The following NEK10 variants were observed in gnomAD, a reference collection of about 807,000 sequenced individuals.
NEK10 encodes serine/threonine-protein kinase Nek10.
In NEK10, 122 loss-of-function variants were observed where a neutral mutation model predicts 159.8. The ratio of observed to expected loss-of-function variants is 0.76; its 90% CI spans 0.66 to 0.89. The LOEUF is 0.89. NEK10 is among the 40% of genes least tolerant of loss of function. NEK10 has a pLI of 0.00. For missense variants in NEK10, 1,342 were observed against 1,323.1 expected, an observed-to-expected ratio of 1.01 and a Z score of -0.22; for synonymous variants, 466 against 457.1, an observed-to-expected ratio of 1.02 and a Z score of -0.25.
intron 23 of NEK10, among the ~76,000 whole-genome samples, chr3:27,248,718 T>A (rs1955350697): frequency 6.6e-6 from 1 of 152,264 alleles, no homozygotes; most frequent in Admixed American, 6.5e-5. Flanking sequence ...TCAGAGAAGA[T>A]GTTTGATATT....
At chr3:27,326,594 G>GTT (rs5847457) in intron 5 of NEK10, among the ~76,000 whole-genome samples, 1 of 151,868 alleles carries the variant, frequency 6.6e-6, no homozygotes, top group African/African-American at 2.4e-5. Context: ...TTCCAGAATA[G>GTT]TTTTTTTTAA....
intron 18 of NEK10, among the ~76,000 whole-genome samples, chr3:27,291,001 T>C (rs1046187405): frequency 1.2e-4 from 18 of 152,232 alleles, no homozygotes; most frequent in African/African-American, 4.3e-4. Context: ...GCATCATGCA[T>C]TGGGAGAAAC....
In NEK10 at chr3:27,110,619, G is replaced by T. The variant is rs1277066811; in HGVS notation, c.*653C>A. The T allele has an allele frequency of 6.6e-6, 1 of 151,946 alleles. No homozygotes were observed. The highest frequency in any genetic ancestry group is 1.5e-5 in the Non-Finnish European group (1 of 68,024). 9.4% of individuals were successfully genotyped at this position (151,946 alleles called of 1,614,324 possible). ...TAGTCTAAGTTAAATCTGACAGTTT[G>T]ACAGTTACCCCCAGAGGCTGTGCAA... On this transcript the variant is annotated 3_prime_UTR_variant, in exon 36 of 36. Transcript: ENST00000691995.
chr3:27,277,836 T>C (rs1477103362), intron 22 of NEK10, among the ~76,000 whole-genome samples: 1 of 152,242 alleles, frequency 6.6e-6, no homozygotes, highest in Non-Finnish European at 1.5e-5. Flanking sequence ...TGTGTTACTT[T>C]GGGACAGAAG....
At chr3:27,278,484 G>A (rs1160408539) in intron 22 of NEK10, among the ~76,000 whole-genome samples, 1 of 152,178 alleles carries the variant, frequency 6.6e-6, no homozygotes, top group Non-Finnish European at 1.5e-5. Context: ...CATTTGAAGA[G>A]CCTTGGAGCC....
At chr3:27,363,776 T>C (rs1478649662) in intron 1 of NEK10, 2 of 152,222 alleles carry the variant, frequency 1.3e-5, no homozygotes, top group Admixed American at 6.5e-5. Flanking sequence ...ATGTGTATTA[T>C]ATGAATGCCA....
chr3:27,292,778 A>G (rs2043092870), intron 16 of NEK10, among the ~76,000 whole-genome samples: 1 of 151,924 alleles, frequency 6.6e-6, no homozygotes, highest in Non-Finnish European at 1.5e-5. Flanking sequence ...AAAAAAAAAA[A>G]AAAAAAAGAG....
intron 22 of NEK10, among the ~76,000 whole-genome samples, chr3:27,266,400 A>T (rs1292593284): frequency 6.6e-6 from 1 of 151,822 alleles, no homozygotes; most frequent in Non-Finnish European, 1.5e-5. Flanking sequence ...TTTTATGGGG[A>T]TTTGCAACTG....
At chr3:27,126,730 C>T (rs1490372527) in intron 32 of NEK10, among the ~76,000 whole-genome samples, 1 of 151,870 alleles carries the variant, frequency 6.6e-6, no homozygotes, top group Non-Finnish European at 1.5e-5. Flanking sequence ...GATTCTCACC[C>T]TTGGCTGCAA....
Position 27,291,276 on chromosome 3 carries a change from C to T in NEK10, c.1591G>A (p.Gly531Ser). The T allele has an allele frequency of 5.6e-6, 9 of 1,613,110 alleles. No individual in the cohort carries two copies. Among genetic ancestry groups the T allele is most frequent in the Non-Finnish European group, 7.6e-6 (9 of 1,179,640 alleles). ...ILDHLGSGAF[G>S]CVYKVRKHSG... is the part of the protein sequence containing the mutation. The stretch of plus-strand genomic sequence containing the variant: ...GGGAAAGTCACCTTGTAAACACAGC[C>T]AAAAGCTCCACTTCCAAGATGATCC... Residue 531 changes from glycine to serine, a missense_variant, in exon 18 of 36, where the codon GGC (glycine) becomes AGC (serine). By Grantham distance (56) the Gly-to-Ser change is moderately conservative. Transcript: ENST00000691995.
In NEK10 at chr3:27,181,279, A is replaced by G. The variant is rs138319037; in HGVS notation, c.2506-6446T>C. Reference sequence around the variant, plus strand: ...ACAATTAATACATACTTGATATGTCATATGGTAAATATAGTTTATCTTCCT... The same window carrying G: ...ACAATTAATACATACTTGATATGTCGTATGGTAAATATAGTTTATCTTCCT... On this transcript the variant is annotated intron_variant, in intron 26 of 35. Transcript: ENST00000691995. Among the ~76,000 whole-genome samples, 665 of 152,234 alleles carry G rather than the reference A, an allele frequency of 4.4e-3. 7 individuals are homozygous for G. Among genetic ancestry groups the G allele is most frequent in the African/African-American group, 0.015 (637 of 41,562 alleles).
chr3:27,167,166 TA>T (rs1272754017), intron 29 of NEK10, among the ~76,000 whole-genome samples: 3,112 of 143,778 alleles, frequency 0.022, 54 homozygotes, highest in African/African-American at 0.055. Flanking sequence ...CAGGATCCTT[TA>T]AAAAAAAAAA....
chr3:27,179,020 G>A (rs3112790), intron 26 of NEK10, among the ~76,000 whole-genome samples: 8 of 152,114 alleles, frequency 5.3e-5, no homozygotes, highest in African/African-American at 9.7e-5. Flanking sequence ...ATCCTGCCTC[G>A]GTCTTCTGAG....
At chr3:27,349,469 T>A (rs923294528) in intron 3 of NEK10, among the ~76,000 whole-genome samples, 1 of 152,164 alleles carries the variant, frequency 6.6e-6, no homozygotes, top group Admixed American at 6.5e-5. Context: ...TCTTGCCTTA[T>A]ACCATAATTA....
intron 32 of NEK10, among the ~76,000 whole-genome samples, chr3:27,128,384 C>T (rs958711878): frequency 5.9e-5 from 9 of 152,146 alleles, no homozygotes; most frequent in African/African-American, 9.7e-5. Flanking sequence ...GTGACATTAA[C>T]GCCCATTGGT....
chr3:27,293,491 A>G, intron 16 of NEK10, 97 bp downstream of exon 16: 1 of 592,800 alleles, frequency 1.7e-6, no homozygotes, highest in Non-Finnish European at 3.0e-6. Flanking sequence ...CTGACGCATT[A>G]TTTTCCTTCT....
At chr3:27,332,198 T>G (rs576946580) in intron 5 of NEK10, among the ~76,000 whole-genome samples, 2 of 152,294 alleles carry the variant, frequency 1.3e-5, no homozygotes, top group South Asian at 2.1e-4. Context: ...GAAACCAAGA[T>G]GTATTTTATT....
chr3:27,154,369 A>T (rs1336675987), intron 30 of NEK10, among the ~76,000 whole-genome samples: 3 of 152,144 alleles, frequency 2.0e-5, no homozygotes, highest in Non-Finnish European at 4.4e-5. Flanking sequence ...TCTACCACAC[A>T]TTCAAAGAAT....
intron 35 of NEK10, among the ~76,000 whole-genome samples, chr3:27,115,378 A>G (rs1185915231): frequency 6.6e-6 from 1 of 152,220 alleles, no homozygotes; most frequent in Non-Finnish European, 1.5e-5. Context: ...AATAGCATAT[A>G]CTCTTAGAAC....
Sources: gnomAD v4.1 joint callset for allele counts (sites outside exome capture counted in the v4.1 genomes callset) on GRCh38, gnomAD v4.1.1 for gene constraint, MANE v1.5 for transcripts, NCBI Gene and HGNC (gene_info 2026-07-23, HGNC 2026-07-21) for gene names.